The following ULK4 variants were observed in gnomAD, a reference collection of about 807,000 sequenced individuals.
ULK4 encodes unc-51 like kinase 4.
A neutral mutation model predicts 160.6 loss-of-function variants in ULK4; 133 were observed. That is an observed-to-expected ratio of 0.83 (90% CI 0.72 to 0.96). ULK4 has a LOEUF of 0.96. Ranked by LOEUF, ULK4 falls within the 40% of genes least tolerant of loss-of-function variation. The pLI, the probability that ULK4 is intolerant of heterozygous loss-of-function variation, is 0.00. For missense variants in ULK4, 1,580 were observed against 1,499.5 expected (o/e 1.05, Z -0.89); for synonymous variants, 534 against 539.8 (o/e 0.99, Z 0.15).
Position 41,912,844 on chromosome 3 carries a change from C to A in ULK4, c.859G>T (p.Ala287Ser). The A allele has an allele frequency of 1.2e-6, 2 of 1,614,124 alleles. No homozygotes were observed. Among genetic ancestry groups the A allele is most frequent in the Non-Finnish European group, 8.5e-7 (1 of 1,180,022 alleles). The change falls in exon 9 of 37, where the codon GCA becomes TCA. Residue 287 changes from alanine to serine, a missense_variant. By Grantham distance (99) the Ala-to-Ser change is moderately conservative (BLOSUM62 1). Transcript: ENST00000301831. ...HSFWKKAFAGADQESSVEDLS... is the reference protein window; with the variant it reads ...HSFWKKAFAGSDQESSVEDLS... ...TCTTCGACGCTTGATTCCTGATCTG[C>A]TCCAGCAAAAGCTTTCTTCCAAAAT...
At chr3:41,676,106 T>C (rs1250315053) in intron 29 of ULK4, among the ~76,000 whole-genome samples, 5 of 152,164 alleles carry the variant, frequency 3.3e-5, no homozygotes, top group Non-Finnish European at 5.9e-5. Flanking sequence ...GTGGCAGACT[T>C]CTGACCTATG....
chr3:41,765,616 A>C (rs1005322120), intron 21 of ULK4, among the ~76,000 whole-genome samples: 6 of 152,166 alleles, frequency 3.9e-5, no homozygotes, highest in Non-Finnish European at 8.8e-5. Context: ...AACAAAGAAA[A>C]GTATATTTAA....
chr3:41,643,268 T>C (rs2034319399), intron 30 of ULK4, among the ~76,000 whole-genome samples: 1 of 152,172 alleles, frequency 6.6e-6, no homozygotes, highest in Non-Finnish European at 1.5e-5. Context: ...TCCTTGCCCA[T>C]GCCTATGTCC....
At chr3:41,393,633 G>C (rs1448030679) in intron 35 of ULK4, among the ~76,000 whole-genome samples, 1 of 152,072 alleles carries the variant, frequency 6.6e-6, no homozygotes, top group Non-Finnish European at 1.5e-5. Context: ...TGTCTCTCTG[G>C]CTAGAGATCC....
intron 18 of ULK4, among the ~76,000 whole-genome samples, chr3:41,823,396 A>G (rs2041217613): frequency 6.6e-6 from 1 of 152,228 alleles, no homozygotes; most frequent in Non-Finnish European, 1.5e-5. Context: ...GTAATTACAG[A>G]GACTTTGGCT....
chr3:41,292,227 A>T (rs191802822), intron 35 of ULK4, among the ~76,000 whole-genome samples: 1 of 152,338 alleles, frequency 6.6e-6, no homozygotes, highest in Admixed American at 6.5e-5. Flanking sequence ...TCTAAGTGGA[A>T]GGTGGAGATT....
chr3:41,812,680 C>A (rs1218484728), intron 19 of ULK4, among the ~76,000 whole-genome samples: 3 of 152,172 alleles, frequency 2.0e-5, no homozygotes, highest in African/African-American at 7.2e-5. Flanking sequence ...TGCCAATGAT[C>A]TTCCATGTGT....
intron 22 of ULK4, among the ~76,000 whole-genome samples, chr3:41,728,037 A>C (rs1006868664): frequency 2.0e-5 from 3 of 152,264 alleles, no homozygotes; most frequent in African/African-American, 7.2e-5. Context: ...AGACTGCCAG[A>C]ATAGCAAGTC....
At chr3:41,909,787 A>T (rs1256321130) in intron 11 of ULK4, among the ~76,000 whole-genome samples, 1 of 152,222 alleles carries the variant, frequency 6.6e-6, no homozygotes, top group Non-Finnish European at 1.5e-5. Flanking sequence ...ATTACATTTA[A>T]ATATGGGTAA....
At chr3:41,708,042 G>A (rs1350703425) in intron 25 of ULK4, among the ~76,000 whole-genome samples, 1 of 151,790 alleles carries the variant, frequency 6.6e-6, no homozygotes, top group African/African-American at 2.4e-5. Flanking sequence ...ATAGAAAAGG[G>A]AACTCTTGCA....
At chr3:41,809,990 T>C (rs1167489992) in intron 19 of ULK4, among the ~76,000 whole-genome samples, 1 of 152,260 alleles carries the variant, frequency 6.6e-6, no homozygotes, top group Non-Finnish European at 1.5e-5. Context: ...AGATGACAGC[T>C]AATTGAAGTT....
rs1699812009 is a variant in ULK4, at chr3:41,937,425, G to A, written c.238+673C>T. 1.7e-5 allele frequency: 11 copies of A among 633,446 alleles called. No homozygotes were observed. The South Asian group carries it at 2.0e-4, about 11-fold the overall frequency. The allele number at this position is 633,446 out of a possible 1,614,324, so 39.2% of individuals were successfully genotyped here. On this transcript the variant is annotated intron_variant, in intron 3 of 36. Coordinates refer to ENST00000301831, the MANE Select transcript of ULK4 (RefSeq NM_017886.4). ...TTATAAATTCTAAGTATCAATATAA[G>A]TTAGATGCATAAAGCTAGTAATAAT...
chr3:41,259,592 T>G (rs1015904300), intron 35 of ULK4, among the ~76,000 whole-genome samples: 2 of 152,252 alleles, frequency 1.3e-5, no homozygotes, highest in Admixed American at 1.3e-4. Context: ...TCTATCACCG[T>G]GGCACATCAG....
At chr3:41,749,057 T>C (rs754343377) in intron 22 of ULK4, among the ~76,000 whole-genome samples, 4 of 152,270 alleles carry the variant, frequency 2.6e-5, no homozygotes, top group Non-Finnish European at 5.9e-5. Context: ...TTTTATGATA[T>C]GTTAGTTTGC....
chr3:41,848,991 G>C (rs2042139354), intron 17 of ULK4, among the ~76,000 whole-genome samples: 1 of 152,134 alleles, frequency 6.6e-6, no homozygotes, highest in Non-Finnish European at 1.5e-5. Flanking sequence ...GTATTCCTAT[G>C]TGCAATTTTC....
chr3:41,649,091 G>A (rs2034630256), intron 30 of ULK4, among the ~76,000 whole-genome samples: 1 of 151,406 alleles, frequency 6.6e-6, no homozygotes, highest in South Asian at 2.1e-4. Context: ...TTACGCCACT[G>A]CACTCCAGCC....
intron 31 of ULK4, among the ~76,000 whole-genome samples, chr3:41,580,501 T>C (rs1189513120): frequency 6.6e-6 from 1 of 152,046 alleles, no homozygotes; most frequent in Non-Finnish European, 1.5e-5. Context: ...ACATCAGGGC[T>C]AGGGACACCC....
At chr3:41,896,477 C>G (rs1243889825) in intron 15 of ULK4, among the ~76,000 whole-genome samples, 1 of 152,174 alleles carries the variant, frequency 6.6e-6, no homozygotes, top group African/African-American at 2.4e-5. Context: ...TGGTTTCGAA[C>G]TCCTGACCTC....
intron 22 of ULK4, among the ~76,000 whole-genome samples, chr3:41,736,212 T>C (rs567154530): frequency 6.6e-6 from 1 of 151,732 alleles, no homozygotes; most frequent in Non-Finnish European, 1.5e-5. Flanking sequence ...TACCCAGTAA[T>C]GGGATGGCTG....
Sources: gnomAD v4.1 joint callset for allele counts (sites outside exome capture counted in the v4.1 genomes callset) on GRCh38, gnomAD v4.1.1 for gene constraint, MANE v1.5 for transcripts, NCBI Gene and HGNC (gene_info 2026-07-23, HGNC 2026-07-21) for gene names.